Variants in CSNK1G1 observed in about 807,000 individuals in gnomAD.
The protein encoded by CSNK1G1 is casein kinase 1 gamma 1.
CSNK1G1 carries 22 observed loss-of-function variants against 59.6 expected under a neutral mutation model. That is an observed-to-expected ratio of 0.37 (90% CI 0.26 to 0.53). The LOEUF (loss-of-function observed/expected upper bound fraction) is 0.53. Ranked by LOEUF, CSNK1G1 falls within the 20% of genes least tolerant of loss-of-function variation. CSNK1G1 has a pLI of 0.89. For missense variants in CSNK1G1, 384 were observed against 519.5 expected (o/e 0.74, Z 2.54); for synonymous variants, 179 against 177.1 (o/e 1.01, Z -0.08).
At chr15:64,354,104 G>T (rs781775907) in intron 1 of CSNK1G1, among the ~76,000 whole-genome samples, 4 of 152,152 alleles carry the variant, frequency 2.6e-5, no homozygotes, top group Admixed American at 2.0e-4. Flanking sequence ...AGGAGTTCAA[G>T]ACCAACCTGA....
intron 1 of CSNK1G1, among the ~76,000 whole-genome samples, chr15:64,350,906 TTTTC>T (rs1176815836): frequency 6.6e-6 from 1 of 152,098 alleles, no homozygotes; most frequent in African/African-American, 2.4e-5. Context: ...AATCCATTCT[TTTTC>T]TTTTTTTTTT....
intron 9 of CSNK1G1, among the ~76,000 whole-genome samples, chr15:64,203,399 C>T (rs535265279): frequency 6.6e-6 from 1 of 151,982 alleles, no homozygotes; most frequent in African/African-American, 2.4e-5. Flanking sequence ...AGCTTACCTT[C>T]GAAAACAAAA....
chr15:64,258,019 A>G lies in CSNK1G1; in HGVS notation c.222+1182T>C, dbSNP rs1373370347. Among the ~76,000 whole-genome samples the G allele has an allele frequency of 2.0e-5, 3 of 152,134 alleles. No individual in the cohort carries two copies. In the East Asian group the frequency reaches 5.8e-4, roughly 29 times the overall value. ...CCTTTGTAGGGAAACAAATCTGGTA[A>G]CTGTCAGTTCCTCACAAGACAACCC... On this transcript the variant is annotated intron_variant, in intron 3 of 11. Transcript: ENST00000303052.
In CSNK1G1 at chr15:64,166,318, T is replaced by C. The variant is rs1486125269; in HGVS notation, c.*5613A>G. 3.4e-6 allele frequency: 1 copy of C among 289,996 alleles called. No homozygotes were observed. The highest frequency in any genetic ancestry group is 1.5e-4 in the South Asian group (1 of 6,568). The allele number at this position is 289,996 out of a possible 1,614,324, so 18.0% of individuals were successfully genotyped here. A position where few individuals can be genotyped will look rare whatever the true frequency, so the allele number is the denominator to read the frequency against. On this transcript the variant is annotated 3_prime_UTR_variant, in exon 12 of 12. Transcript: ENST00000303052. The surrounding 1 kb of genome is among the most constrained non-coding windows in gnomAD (Gnocchi z 4.5). ...ATTGCTGAATCAACATTATTTTCCATTGGGGGGTATATATTTTTGGTTTAT... is the reference window on the plus strand; with the variant it reads ...ATTGCTGAATCAACATTATTTTCCACTGGGGGGTATATATTTTTGGTTTAT...
At chr15:64,303,569 T>C (rs1443559161) in intron 1 of CSNK1G1, among the ~76,000 whole-genome samples, 2 of 151,740 alleles carry the variant, frequency 1.3e-5, no homozygotes, top group Non-Finnish European at 2.9e-5. Context: ...CTGGCCAATA[T>C]GACGAAACCC....
intron 4 of CSNK1G1, among the ~76,000 whole-genome samples, chr15:64,244,826 G>GA (rs903983693): frequency 1.0e-4 from 15 of 149,400 alleles, no homozygotes; most frequent in South Asian, 2.1e-4. Flanking sequence ...TCAAGGCGGG[G>GA]AAAAAAAAAC....
intron 10 of CSNK1G1, among the ~76,000 whole-genome samples, chr15:64,193,533 C>G (rs2082001266): frequency 6.7e-6 from 1 of 150,070 alleles, no homozygotes; most frequent in Admixed American, 6.6e-5. Flanking sequence ...TAAAAACTTC[C>G]TTCTATTAAG....
rs527738320 is a variant in CSNK1G1 at position 64,199,745 on chromosome 15, C to T, written c.1107+3337G>A. Among the ~76,000 whole-genome samples, 191 of 152,056 alleles carry T rather than the reference C, an allele frequency of 1.3e-3. 1 individual carries two copies. The highest frequency in any genetic ancestry group is 4.4e-3 in the African/African-American group (181 of 41,476). On this transcript the variant is annotated intron_variant, in intron 10 of 11. Transcript: ENST00000303052. ...GCGTGCGCCTGCAGTCCCAGCTACTCGGGAGGCTGAGGCAGGAGAGTTGCT... is the reference window on the plus strand; with the variant it reads ...GCGTGCGCCTGCAGTCCCAGCTACTTGGGAGGCTGAGGCAGGAGAGTTGCT...
intron 1 of CSNK1G1, among the ~76,000 whole-genome samples, chr15:64,327,010 C>G (rs796887733): frequency 2.8e-5 from 4 of 144,742 alleles, no homozygotes; most frequent in Admixed American, 1.4e-4. Context: ...CCACACCTGG[C>G]TCGGAGGGTC....
At chr15:64,187,260 C>T (rs1440276676) in intron 10 of CSNK1G1, among the ~76,000 whole-genome samples, 7 of 151,954 alleles carry the variant, frequency 4.6e-5, no homozygotes, top group East Asian at 1.9e-4. Flanking sequence ...GGCATGATCT[C>T]GGCTCACTGC....
chr15:64,280,758 C>T (rs1490802848), intron 2 of CSNK1G1, among the ~76,000 whole-genome samples: 1 of 152,160 alleles, frequency 6.6e-6, no homozygotes, highest in Non-Finnish European at 1.5e-5. Flanking sequence ...AAACAGCCAA[C>T]TTAGTTCCAT....
At chr15:64,268,242 TC>T in intron 2 of CSNK1G1, among the ~76,000 whole-genome samples, 1 of 152,100 alleles carries the variant, frequency 6.6e-6, no homozygotes, top group African/African-American at 2.4e-5. Context: ...AAATCCTGCA[TC>T]ATCTCACTTA....
intron 1 of CSNK1G1, among the ~76,000 whole-genome samples, chr15:64,344,098 GAAT>G (rs1377619379): frequency 2.0e-5 from 3 of 152,126 alleles, no homozygotes; most frequent in African/African-American, 7.2e-5. Context: ...ATAATAAAAT[GAAT>G]AATAGCATTG....
intron 7 of CSNK1G1, among the ~76,000 whole-genome samples, chr15:64,206,038 G>A (rs1488516490): frequency 1.3e-5 from 2 of 152,162 alleles, no homozygotes; most frequent in African/African-American, 4.8e-5. Context: ...CAGGCGCGAT[G>A]GCTCATGCCT....
chr15:64,235,579 G>A (rs540120971), intron 4 of CSNK1G1, among the ~76,000 whole-genome samples: 21 of 152,260 alleles, frequency 1.4e-4, no homozygotes, highest in East Asian at 5.8e-4. Context: ...AATCTGTTCC[G>A]TATAAATATA....
intron 4 of CSNK1G1, among the ~76,000 whole-genome samples, chr15:64,240,866 G>C (rs568236241): frequency 6.6e-6 from 1 of 151,852 alleles, no homozygotes; most frequent in Non-Finnish European, 1.5e-5. Context: ...TGATAAAGCA[G>C]ATACACAAAG....
intron 2 of CSNK1G1, among the ~76,000 whole-genome samples, chr15:64,288,782 C>G (rs1477372703): frequency 1.3e-5 from 2 of 152,134 alleles, no homozygotes; most frequent in African/African-American, 2.4e-5. Context: ...CCTTAGGATG[C>G]ATGATGACAT....
intron 3 of CSNK1G1, among the ~76,000 whole-genome samples, chr15:64,256,506 T>C (rs1892378817): frequency 6.6e-6 from 1 of 152,190 alleles, no homozygotes; most frequent in Non-Finnish European, 1.5e-5. Flanking sequence ...CACATGGCCA[T>C]AGCCTGCTCA....
rs191418167 is a variant in CSNK1G1, at chr15:64,298,527, C to T, written c.181+1792G>A. Among the ~76,000 whole-genome samples the T allele has an allele frequency of 2.2e-5, 3 of 138,090 alleles. No homozygotes were observed. The East Asian group carries it at 6.3e-4, about 29-fold the overall frequency. 90.6% of individuals were successfully genotyped at this position (138,090 alleles called of 152,430 possible). A position where few individuals can be genotyped will look rare whatever the true frequency, so the allele number is the denominator to read the frequency against. On this transcript the variant is annotated intron_variant, in intron 2 of 11. Transcript: ENST00000303052. ...AGTAGCATCTGCTGGCTTTGGTAAC[C>T]CGAACACAATTCTAAATATAAAGAT...
Sources: gnomAD v4.1 joint callset for allele counts (sites outside exome capture counted in the v4.1 genomes callset) on GRCh38, gnomAD v4.1.1 for gene constraint, Gnocchi (gnomAD v3.1) non-coding constraint, MANE v1.5 for transcripts, NCBI Gene and HGNC (gene_info 2026-07-23, HGNC 2026-07-21) for gene names.